Variants in COBL observed in about 807,000 individuals in gnomAD.
COBL encodes cordon-bleu WH2 repeat protein, also known as protein cordon-bleu.
In COBL, 51 loss-of-function variants were observed where a neutral mutation model predicts 98.8. That is an observed-to-expected ratio of 0.52 (90% CI 0.41 to 0.65). The LOEUF (loss-of-function observed/expected upper bound fraction) is 0.65. Ranked by LOEUF, COBL falls within the 30% of genes least tolerant of loss-of-function variation. The pLI, the probability that COBL is intolerant of heterozygous loss-of-function variation, is 0.00. For missense variants in COBL, 1,617 were observed against 1,617.5 expected (o/e 1.00, Z 0.01); for synonymous variants, 634 against 651.7 (o/e 0.97, Z 0.41).
chr7:51,243,778 G>A (rs1042546398), intron 1 of COBL, among the ~76,000 whole-genome samples: 1 of 152,094 alleles, frequency 6.6e-6, no homozygotes, highest in Non-Finnish European at 1.5e-5. Context: ...CTGAAAGGGG[G>A]TAGAGGGAGG....
intron 7 of COBL, among the ~76,000 whole-genome samples, chr7:51,045,628 T>C (rs930962824): frequency 6.6e-6 from 1 of 152,212 alleles, no homozygotes; most frequent in African/African-American, 2.4e-5. Flanking sequence ...ACTAGCTGTC[T>C]GCTGCCAGGC....
At chr7:51,160,549 A>G (rs540400752) in intron 5 of COBL, among the ~76,000 whole-genome samples, 12 of 152,348 alleles carry the variant, frequency 7.9e-5, no homozygotes, top group African/African-American at 2.6e-4. Flanking sequence ...GGCCGAGCCA[A>G]CCTTCATCGA....
chr7:51,301,535 G>GC (rs1363350539), intron 1 of COBL, among the ~76,000 whole-genome samples: 1 of 152,198 alleles, frequency 6.6e-6, no homozygotes, highest in Non-Finnish European at 1.5e-5. Flanking sequence ...TCCCTGCCGG[G>GC]CCCCACCCTC....
chr7:51,183,132 A>T (rs1584086656), intron 5 of COBL, among the ~76,000 whole-genome samples: 1 of 152,340 alleles, frequency 6.6e-6, no homozygotes, highest in African/African-American at 2.4e-5. Flanking sequence ...ACCACAGGCC[A>T]CTGAAGGGCA....
chr7:51,042,603 C>G (rs1789309798), intron 8 of COBL, among the ~76,000 whole-genome samples: 2 of 152,158 alleles, frequency 1.3e-5, no homozygotes, highest in Non-Finnish European at 2.9e-5. Flanking sequence ...CTCAAGCAAT[C>G]CTCCTGTTTC....
At chr7:51,307,582 T>C (rs1207231379) in intron 1 of COBL, among the ~76,000 whole-genome samples, 1 of 152,148 alleles carries the variant, frequency 6.6e-6, no homozygotes, top group East Asian at 1.9e-4. Context: ...AAATCTATCA[T>C]TCTAAAAATG....
intron 1 of COBL, among the ~76,000 whole-genome samples, chr7:51,235,314 T>C (rs1344005724): frequency 6.6e-6 from 1 of 152,092 alleles, no homozygotes; most frequent in East Asian, 1.9e-4. Flanking sequence ...CTTGATTGGA[T>C]TGAGGGAATC....
chr7:51,051,562 C>T (rs1790238166), intron 7 of COBL, among the ~76,000 whole-genome samples: 1 of 152,186 alleles, frequency 6.6e-6, no homozygotes, highest in South Asian at 2.1e-4. Context: ...TTCTTTCATG[C>T]ATTAAAAACA....
intron 2 of COBL, among the ~76,000 whole-genome samples, chr7:51,199,007 C>G (rs1333379642): frequency 6.6e-6 from 1 of 152,204 alleles, no homozygotes; most frequent in Non-Finnish European, 1.5e-5. Flanking sequence ...CCTATGAACT[C>G]AGCTCCAACC....
chr7:51,297,727 C>T (rs997466251), intron 1 of COBL, among the ~76,000 whole-genome samples: 1 of 152,144 alleles, frequency 6.6e-6, no homozygotes, highest in Non-Finnish European at 1.5e-5. Context: ...ATACATACTT[C>T]TATAAAGAAA....
rs149343412 is a variant in COBL, at chr7:51,219,749, G to C, written c.237C>G (p.Leu79=). 1.2e-6 allele frequency: 2 copies of C among 1,613,672 alleles called. No individual in the cohort carries two copies. The highest frequency in any genetic ancestry group is 8.5e-7 in the Non-Finnish European group (1 of 1,179,866). The part of the protein sequence containing the change: ...LPSGLEKRSV[L]NGSHAMMDLL... ...GCAGCACCGGCTCTCACCTCCCATTGAGCACGCTCCTCTTCTCCAGCCCAC... is the reference window on the plus strand; with the variant it reads ...GCAGCACCGGCTCTCACCTCCCATTCAGCACGCTCCTCTTCTCCAGCCCAC... The change falls in exon 2 of 13, where the codon CTC becomes CTG. Residue 79 remains leucine, a synonymous_variant. Coordinates refer to ENST00000265136, the MANE Select transcript of COBL (RefSeq NM_015198.5).
chr7:51,215,861 G>T (rs971767241), intron 2 of COBL, among the ~76,000 whole-genome samples: 1 of 152,236 alleles, frequency 6.6e-6, no homozygotes, highest in African/African-American at 2.4e-5. Context: ...CTGAGAACAG[G>T]TGAGCCCTCT....
At chr7:51,256,602 T>G (rs541665925) in intron 1 of COBL, among the ~76,000 whole-genome samples, 1 of 152,296 alleles carries the variant, frequency 6.6e-6, no homozygotes, top group South Asian at 2.1e-4. Context: ...ATCCACTCAA[T>G]CGCCCTAGTA....
chr7:51,217,906 C>T (rs560982921), intron 2 of COBL, among the ~76,000 whole-genome samples: 95 of 152,348 alleles, frequency 6.2e-4, no homozygotes, highest in African/African-American at 2.2e-3. Context: ...GAAAGCCTAT[C>T]GAACTGCCGC....
At chr7:51,149,517 G>A (rs1412375287) in intron 5 of COBL, among the ~76,000 whole-genome samples, 1 of 152,178 alleles carries the variant, frequency 6.6e-6, no homozygotes, top group African/African-American at 2.4e-5. Context: ...TTTTCTCATT[G>A]CTTTTAGAGT....
At chr7:51,260,466 C>G (rs1797613455) in intron 1 of COBL, among the ~76,000 whole-genome samples, 1 of 152,180 alleles carries the variant, frequency 6.6e-6, no homozygotes, top group Non-Finnish European at 1.5e-5. Context: ...AACAGGATCC[C>G]TCCCTGATGC....
At chr7:51,212,765 T>C (rs1469494198) in intron 2 of COBL, among the ~76,000 whole-genome samples, 1 of 152,212 alleles carries the variant, frequency 6.6e-6, no homozygotes, top group Non-Finnish European at 1.5e-5. Flanking sequence ...ACACGCAATC[T>C]GAACCTTCAG....
intron 1 of COBL, among the ~76,000 whole-genome samples, chr7:51,248,204 AT>A (rs1369164826): frequency 4.6e-5 from 7 of 152,156 alleles, no homozygotes; most frequent in Admixed American, 2.6e-4. Flanking sequence ...AATATAAAGA[AT>A]TTTCCTCCTA....
chr7:51,291,523 G>A (rs753414491), intron 1 of COBL, among the ~76,000 whole-genome samples: 4 of 152,064 alleles, frequency 2.6e-5, no homozygotes, highest in Non-Finnish European at 5.9e-5. Context: ...CACTTTGGGA[G>A]GCTGAGGCAG....
Sources: gnomAD v4.1 joint callset for allele counts (sites outside exome capture counted in the v4.1 genomes callset) on GRCh38, gnomAD v4.1.1 for gene constraint, MANE v1.5 for transcripts, NCBI Gene and HGNC (gene_info 2026-07-23, HGNC 2026-07-21) for gene names.